The following SOX5 variants were observed in gnomAD, a reference collection of about 807,000 sequenced individuals.
SOX5 encodes SRY-box transcription factor 5.
SOX5 carries 9 observed loss-of-function variants against 92.0 expected under a neutral mutation model. The ratio of observed to expected loss-of-function variants is 0.10; its 90% CI spans 0.06 to 0.17. SOX5 has a LOEUF of 0.17. SOX5 is among the 10% of genes least tolerant of loss of function. The pLI, the probability that SOX5 is intolerant of heterozygous loss-of-function variation, is 1.00. For missense variants in SOX5, 642 were observed against 944.5 expected (o/e 0.68, Z 4.20); for synonymous variants, 344 against 336.3 (o/e 1.02, Z -0.25).
chr12:24,097,493 GTT>G (rs34974362), intron 4 of SOX5, among the ~76,000 whole-genome samples: 2 of 148,322 alleles, frequency 1.3e-5, no homozygotes, highest in Non-Finnish European at 3.0e-5. Flanking sequence ...AATTTTACAG[GTT>G]TTTTTTTTAA....
intron 2 of SOX5, among the ~76,000 whole-genome samples, chr12:24,282,563 A>G (rs1945341461): frequency 1.3e-5 from 2 of 151,652 alleles, no homozygotes; most frequent in South Asian, 4.1e-4. Context: ...CAATTTGAAC[A>G]GGAAAACAAT....
intron 2 of SOX5, among the ~76,000 whole-genome samples, chr12:23,871,506 A>T (rs981745075): frequency 6.6e-6 from 1 of 152,168 alleles, no homozygotes; most frequent in African/African-American, 2.4e-5. Flanking sequence ...AGGAGAAAAA[A>T]GGAAACTGGT....
chr12:23,973,910 G>A (rs1474665442), intron 4 of SOX5, among the ~76,000 whole-genome samples: 1 of 152,116 alleles, frequency 6.6e-6, no homozygotes, highest in African/African-American at 2.4e-5. Context: ...AATCCGAGTG[G>A]AACAGTTTCA....
At chr12:24,362,859 C>T (rs1243606059) in intron 2 of SOX5, among the ~76,000 whole-genome samples, 1 of 117,854 alleles carries the variant, frequency 8.5e-6, no homozygotes, top group Non-Finnish European at 1.8e-5. Context: ...GGCTAAGAAA[C>T]CACAGTGAAA....
chr12:24,384,702 A>T (rs2136405476), intron 1 of SOX5, among the ~76,000 whole-genome samples: 1 of 152,358 alleles, frequency 6.6e-6, no homozygotes, highest in Middle Eastern at 3.4e-3. Flanking sequence ...TGCCTAGTTA[A>T]GACGAAAAAG....
intron 2 of SOX5, among the ~76,000 whole-genome samples, chr12:24,278,986 T>C (rs1944844591): frequency 6.6e-6 from 1 of 151,840 alleles, no homozygotes; most frequent in South Asian, 2.1e-4. Flanking sequence ...TTTTGTCATA[T>C]CATATATTTG....
intron 3 of SOX5, among the ~76,000 whole-genome samples, chr12:24,264,781 C>CA (rs1212588900): frequency 6.6e-6 from 1 of 152,106 alleles, no homozygotes; most frequent in Non-Finnish European, 1.5e-5. Flanking sequence ...AAAGTGACTA[C>CA]AAAAACACTA....
At chr12:24,004,877 A>G (rs1244478013) in intron 4 of SOX5, among the ~76,000 whole-genome samples, 2 of 152,170 alleles carry the variant, frequency 1.3e-5, no homozygotes, top group African/African-American at 4.8e-5. Context: ...ATTTTCATCA[A>G]TGGGTGAAAG....
At chr12:24,445,614 T>C (rs1297011381) in intron 1 of SOX5, among the ~76,000 whole-genome samples, 7 of 152,238 alleles carry the variant, frequency 4.6e-5, no homozygotes, top group Admixed American at 1.3e-4. Flanking sequence ...GACAGAGCTA[T>C]GGACTGGATA....
At chr12:23,687,205 A>G (rs2087758155) in intron 6 of SOX5, among the ~76,000 whole-genome samples, 1 of 152,158 alleles carries the variant, frequency 6.6e-6, no homozygotes, top group South Asian at 2.1e-4. Flanking sequence ...GTCACTAAGG[A>G]GCAAAACTTG....
At chr12:23,759,959 G>A (rs182726938) in intron 3 of SOX5, among the ~76,000 whole-genome samples, 230 of 151,828 alleles carry the variant, frequency 1.5e-3, no homozygotes, top group African/African-American at 4.7e-3. Flanking sequence ...ATTTTTGTGC[G>A]TACCCAGTAG....
intron 1 of SOX5, among the ~76,000 whole-genome samples, chr12:24,385,850 T>C (rs1958334943): frequency 6.9e-6 from 1 of 144,974 alleles, no homozygotes. Context: ...GAGGATCAAT[T>C]GAGCCCGGGA....
chr12:23,936,233 G>A (rs1052112083), intron 1 of SOX5, among the ~76,000 whole-genome samples: 10 of 150,922 alleles, frequency 6.6e-5, no homozygotes, highest in Non-Finnish European at 1.2e-4. Flanking sequence ...GGATACAAAA[G>A]CTGAAGGTAT....
At chr12:24,073,988 C>A (rs1942151833) in intron 4 of SOX5, among the ~76,000 whole-genome samples, 1 of 151,960 alleles carries the variant, frequency 6.6e-6, no homozygotes, top group African/African-American at 2.4e-5. Context: ...TTGATAGATT[C>A]TCAATAAAAT....
At chr12:23,837,245 A>ATATAATATATATT (rs1555373677) in intron 3 of SOX5, among the ~76,000 whole-genome samples, 8 of 78,008 alleles carry the variant, frequency 1.0e-4, no homozygotes, top group East Asian at 3.3e-4. Context: ...TTTATATAAT[A>ATATAATATATATT]TATATTTATA....
At chr12:24,173,682 G>A (rs994999873) in intron 4 of SOX5, among the ~76,000 whole-genome samples, 9 of 152,098 alleles carry the variant, frequency 5.9e-5, no homozygotes, top group African/African-American at 2.2e-4. Flanking sequence ...TCAGGGCGGG[G>A]GAAGTGATAT....
intron 4 of SOX5, among the ~76,000 whole-genome samples, chr12:24,037,424 A>G (rs1275696790): frequency 6.6e-6 from 1 of 152,190 alleles, no homozygotes; most frequent in African/African-American, 2.4e-5. Context: ...CATTATGTGA[A>G]CCAAGGTATA....
At chr12:24,033,309 G>T (rs966578653) in intron 4 of SOX5, among the ~76,000 whole-genome samples, 1 of 151,772 alleles carries the variant, frequency 6.6e-6, no homozygotes, top group African/African-American at 2.4e-5. Flanking sequence ...TTCAGTTATA[G>T]AATTTAAGAT....
chr12:23,631,096 A>C (rs2078474877), intron 8 of SOX5, among the ~76,000 whole-genome samples: 1 of 152,020 alleles, frequency 6.6e-6, no homozygotes, highest in Non-Finnish European at 1.5e-5. Flanking sequence ...CGAATAATGG[A>C]TAAAAATCCA....
Sources: gnomAD v4.1 joint callset for allele counts (sites outside exome capture counted in the v4.1 genomes callset) on GRCh38, gnomAD v4.1.1 for gene constraint, MANE v1.5 for transcripts, NCBI Gene and HGNC (gene_info 2026-07-23, HGNC 2026-07-21) for gene names.